NUP43: variants seen among roughly 807,000 people sequenced by gnomAD.
The protein encoded by NUP43 is nucleoporin Nup43.
A neutral mutation model predicts 47.3 loss-of-function variants in NUP43; 32 were observed. The observed-to-expected ratio is 0.68, with a 90% CI of 0.51 to 0.91. The LOEUF is 0.91. Ranked by LOEUF, NUP43 falls within the 40% of genes least tolerant of loss-of-function variation. The pLI, the probability that NUP43 is intolerant of heterozygous loss-of-function variation, is 0.00. For missense variants in NUP43, 444 were observed against 453.9 expected (o/e 0.98, Z 0.20); for synonymous variants, 147 against 158.4 (o/e 0.93, Z 0.54).
intron 2 of NUP43, 71 bp from the exon 3 acceptor site, chr6:149,743,786 A>T (rs1040136331): frequency 2.2e-6 from 2 of 896,914 alleles, no homozygotes; most frequent in East Asian, 4.9e-5. Context: ...TGTTTATTTA[A>T]CTCAATTAGT....
At chr6:149,729,559 G>A (rs1784932836) in intron 7 of NUP43, 6 of 980,148 alleles carry the variant, frequency 6.1e-6, no homozygotes, top group African/African-American at 1.7e-5. Flanking sequence ...CAACAGTCAA[G>A]TAGCAGGGGT....
In NUP43 at chr6:149,743,680, T is replaced by A. The variant is rs1405449793; in HGVS notation, c.279A>T (p.Ser93=). The A allele has an allele frequency of 6.2e-7, 1 of 1,611,936 alleles. No homozygotes were observed. The highest frequency in any genetic ancestry group is 2.2e-5 in the East Asian group (1 of 44,854). Residue 93 remains serine, a synonymous_variant, in exon 3 of 8, where the codon TCA becomes TCT. Transcript: ENST00000340413. ...GAAGGAAAACTGTTACACATCCTGT[T>A]GATGAAGCAGCGACAATTCTTTCCT... The part of the protein sequence containing the change: ...FDQERIVAAS[S]TGCVTVFLHH...
chr6:149,746,932 C>G (rs115172461), upstream of NUP43, among the ~76,000 whole-genome samples: 8 of 152,208 alleles, frequency 5.3e-5, no homozygotes, highest in Non-Finnish European at 1.2e-4. Flanking sequence ...AAAGTGCCAA[C>G]CTACTATCCC....
Position 149,726,987 on chromosome 6 carries a change from A to G in NUP43, c.1125T>C (p.Thr375=), listed in dbSNP as rs755742618. ...AGTACTTCTACGAAAAAAGATGTCTAGTAACATAAATTGCTTCTGCATCGG... is the reference window on the plus strand; with the variant it reads ...AGTACTTCTACGAAAAAAGATGTCTGGTAACATAAATTGCTTCTGCATCGG... The part of the protein sequence containing the change: ...CGTDAEAIYV[T]RHLFS The change falls in exon 8 of 8, where the codon ACT becomes ACC. Residue 375 remains threonine (T), a synonymous_variant. Transcript: ENST00000340413. The G allele has an allele frequency of 6.2e-7, 1 of 1,612,976 alleles. No individual in the cohort carries two copies. Among genetic ancestry groups the G allele is most frequent in the East Asian group, 2.2e-5 (1 of 44,886 alleles).
intron 7 of NUP43, 121 bp downstream of exon 7, chr6:149,731,492 G>A (rs1582961481): frequency 2.5e-6 from 2 of 788,558 alleles, no homozygotes; most frequent in Non-Finnish European, 3.8e-6. Flanking sequence ...GAACCCAGGA[G>A]GCGGAGGTTG....
chr6:149,742,435 T>C lies in NUP43; in HGVS notation c.457A>G (p.Ile153Val). ...EIVTVGEDGRINLFRADHKEA... is the reference protein window; with the variant it reads ...EIVTVGEDGRVNLFRADHKEA... ...TTGTGATCAGCTCTGAAGAGATTTA[T>C]TCGACCATCCTCTCCAACTGTAACG... Residue 153 changes from isoleucine to valine, a missense_variant, in exon 4 of 8, where the codon ATA (isoleucine) becomes GTA (valine). Transcript: ENST00000340413. 1 of 1,614,220 alleles carries C rather than the reference T, an allele frequency of 6.2e-7. No homozygotes were observed. Among genetic ancestry groups the C allele is most frequent in the Non-Finnish European group, 8.5e-7 (1 of 1,180,036 alleles).
At chr6:149,747,884 T>C (rs1433244403), upstream of NUP43, among the ~76,000 whole-genome samples, 2 of 152,218 alleles carry the variant, frequency 1.3e-5, no homozygotes, top group Non-Finnish European at 2.9e-5. Flanking sequence ...GAGTTACCAG[T>C]TTCCTATCAA....
rs780369386 is a variant in NUP43 at position 149,731,713 on chromosome 6, T to C, written c.813A>G (p.Pro271=). 9 of 1,613,928 alleles carry C rather than the reference T, an allele frequency of 5.6e-6. No homozygotes were observed. The highest frequency in any genetic ancestry group is 7.6e-6 in the Non-Finnish European group (9 of 1,179,882). ...EAEMWEVHFH[P]SNPEHLFTCS... The stretch of plus-strand genomic sequence containing the variant: ...AGGTAAAAAGATGTTCTGGGTTGGA[T>C]GGGTGAAAGTGAACTTCCCACACTA... The change falls in exon 7 of 8, where the codon CCA becomes CCG. Residue 271 remains proline (P), a synonymous_variant. Coordinates refer to ENST00000340413, the MANE Select transcript of NUP43 (RefSeq NM_198887.3).
chr6:149,746,188 C>A, intron 1 of NUP43, 126 bp from the exon 2 acceptor site: 1 of 1,328,698 alleles, frequency 7.5e-7, no homozygotes, highest in Non-Finnish European at 1.0e-6. Flanking sequence ...TAAAACACAA[C>A]GAGATACGAG....
intron 4 of NUP43, among the ~76,000 whole-genome samples, chr6:149,740,947 G>C (rs553422290): frequency 1.1e-4 from 17 of 151,834 alleles, no homozygotes; most frequent in Non-Finnish European, 2.4e-4. Context: ...TCCTGCCTCT[G>C]GCCTATTCCC....
intron 3 of NUP43, 142 bp downstream of exon 3, chr6:149,743,496 G>A (rs759967328): frequency 2.8e-5 from 15 of 543,988 alleles, no homozygotes; most frequent in Non-Finnish European, 3.9e-5. Flanking sequence ...TTGGGAGGCT[G>A]AGGCAGGAGA....
chr6:149,726,502 G>A lies in NUP43; in HGVS notation c.*467C>T, dbSNP rs866566485. 5 of 161,714 alleles carry A rather than the reference G, an allele frequency of 3.1e-5. No individual in the cohort carries two copies. The highest frequency in any genetic ancestry group is 1.2e-4 in the African/African-American group (5 of 41,464). The allele number at this position is 161,714 out of a possible 1,614,324, so 10.0% of individuals were successfully genotyped here. A position where few individuals can be genotyped will look rare whatever the true frequency, so the allele number is the denominator to read the frequency against. On this transcript the variant is annotated 3_prime_UTR_variant, in exon 8 of 8. Transcript: ENST00000340413. ...TATTATTATTAAGGAAATAAAGTGT[G>A]GAAGGATCATAGGAAATACTTGCAA...
chr6:149,730,304 C>T (rs935636926), intron 7 of NUP43, among the ~76,000 whole-genome samples: 8 of 152,312 alleles, frequency 5.3e-5, no homozygotes, highest in Admixed American at 2.6e-4. Flanking sequence ...CCACCACACC[C>T]GGCCTGAGAT....
Position 149,746,390 on chromosome 6 carries a change from A to C in NUP43, c.106T>G (p.Ser36Ala), listed in dbSNP as rs1786003938. The change falls in exon 1 of 8, where the codon TCT becomes GCT. Residue 36 changes from serine to alanine, a missense_variant. Transcript: ENST00000340413. ...LQTAETFATG[S>A]WDNEENYISL... ...AGCGGCGATACCTCATTGTCCCAAG[A>C]TCCTGTAGCGAACGTCTCCGCGGTC... is the stretch of plus-strand genomic sequence containing the variant. The C allele has an allele frequency of 6.2e-7, 1 of 1,614,056 alleles. No individual in the cohort carries two copies. Among genetic ancestry groups the C allele is most frequent in the African/African-American group, 1.3e-5 (1 of 74,916 alleles).
chr6:149,728,153 T>C, intron 7 of NUP43: 3 of 985,250 alleles, frequency 3.0e-6, no homozygotes, highest in Non-Finnish European at 3.6e-6. Flanking sequence ...ACAATTCTTA[T>C]ATCCTAATTG....
chr6:149,731,821 C>A, intron 6 of NUP43, 86 bp from the exon 7 acceptor site: 1 of 1,371,714 alleles, frequency 7.3e-7, no homozygotes. Context: ...CATCATCTTC[C>A]ATTATCCTCC....
At chr6:149,744,021 C>T (rs1243193768) in intron 2 of NUP43, among the ~76,000 whole-genome samples, 1 of 152,160 alleles carries the variant, frequency 6.6e-6, no homozygotes, top group Non-Finnish European at 1.5e-5. Context: ...CGCCTGTAAT[C>T]CCAGCATTTT....
intron 7 of NUP43, among the ~76,000 whole-genome samples, chr6:149,731,052 G>A (rs1044988005): frequency 6.6e-6 from 1 of 152,114 alleles, no homozygotes; most frequent in Non-Finnish European, 1.5e-5. Context: ...CAGATCACTT[G>A]AGGCCAGGAG....
At chr6:149,749,067 G>T (rs1238396711), upstream of NUP43, among the ~76,000 whole-genome samples, 2 of 151,944 alleles carry the variant, frequency 1.3e-5, no homozygotes, top group East Asian at 1.9e-4. Flanking sequence ...TTAACCAATC[G>T]CAACTCTGTA....
Sources: allele counts gnomAD v4.1 joint callset (sites outside exome capture counted in the v4.1 genomes callset), GRCh38; gene constraint gnomAD v4.1.1; transcripts MANE v1.5; gene names NCBI Gene and HGNC (gene_info 2026-07-23, HGNC 2026-07-21).